ITGA5: variants seen among roughly 807,000 people sequenced by gnomAD.
ITGA5 encodes the protein integrin alpha-5.
ITGA5 carries 55 observed loss-of-function variants against 146.3 expected under a neutral mutation model. That is an observed-to-expected ratio of 0.38 (90% CI 0.30 to 0.47). The LOEUF (loss-of-function observed/expected upper bound fraction) is 0.47, where lower values mean the gene tolerates loss of function less well. Among genes scored for constraint, ITGA5 ranks in the 20% least tolerant of loss-of-function variants. The pLI, the probability that ITGA5 is intolerant of heterozygous loss-of-function variation, is 0.99. For missense variants in ITGA5, 1,131 were observed against 1,329.0 expected, an observed-to-expected ratio of 0.85 and a Z score of 2.32; for synonymous variants, 500 against 531.8, an observed-to-expected ratio of 0.94 and a Z score of 0.82.
chr12:54,407,766 T>TG (rs1269012170), intron 8 of ITGA5, 66 bp downstream of exon 8: 2 of 1,604,558 alleles, frequency 1.2e-6, no homozygotes, highest in Admixed American at 3.3e-5. Flanking sequence ...GCCAAGTTCA[T>TG]GGGCTCTCTG....
chr12:54,396,248 G>A lies in ITGA5; in HGVS notation c.*45C>T, dbSNP rs761058541. The A allele has an allele frequency of 2.8e-6, 4 of 1,442,896 alleles. No homozygotes were observed. The highest frequency in any genetic ancestry group is 9.8e-7 in the Non-Finnish European group (1 of 1,025,288). The allele number at this position is 1,442,896 out of a possible 1,614,324, so 89.4% of individuals were successfully genotyped here. A position where few individuals can be genotyped will look rare whatever the true frequency, so the allele number is the denominator to read the frequency against. On this transcript the variant is annotated 3_prime_UTR_variant, in exon 30 of 30. Transcript: ENST00000293379. ...CCCTCCTTTTCAGTAGAATGAGGGT[G>A]GGGGGACTGGTTCTTCAGGAATGGG...
At chr12:54,405,085 G>A (rs1035713121) in intron 12 of ITGA5, 81 bp downstream of exon 12, 1 of 1,335,996 alleles carries the variant, frequency 7.5e-7, no homozygotes, top group Non-Finnish European at 1.0e-6. Context: ...GGGTATCTTA[G>A]CTGACAGATG....
Position 54,405,159 on chromosome 12 carries a change from T to C in ITGA5, c.1225+7A>G. ...CCTCTTTCACTCTCTGAGCCCATGG[T>C]ACTCACCATTGTAGCCATCCTGGTC... On this transcript the variant is annotated splice_region_variant and intron_variant, in intron 12 of 29. Coordinates refer to ENST00000293379, the MANE Select transcript of ITGA5 (RefSeq NM_002205.5). 6.3e-7 allele frequency: 1 copy of C among 1,585,250 alleles called. No homozygotes were observed. Among genetic ancestry groups the C allele is most frequent in the South Asian group, 1.1e-5 (1 of 87,044 alleles).
In ITGA5 at chr12:54,401,914, G is replaced by T; in HGVS notation, c.2227-59C>A. On this transcript the variant is annotated intron_variant, in intron 21 of 29. Transcript: ENST00000293379. The surrounding 1 kb of genome is among the most constrained non-coding windows in gnomAD (Gnocchi z 5.0). ...AGACTGTGTATTTCACCCTCCCTCC[G>T]CACCTCACAGCTGTGCTCTCGGCTG... The T allele has an allele frequency of 6.3e-7, 1 of 1,590,944 alleles. No individual in the cohort carries two copies.
chr12:54,402,974 C>T lies in ITGA5; in HGVS notation c.1982+9G>A, dbSNP rs1474889284. ...TGGAGCTCCCTAGCTTACCGTCAGCCCTACTTACCCAAACACTTCCAGCTG... is the reference window on the plus strand; with the variant it reads ...TGGAGCTCCCTAGCTTACCGTCAGCTCTACTTACCCAAACACTTCCAGCTG... On this transcript the variant is annotated intron_variant, in intron 19 of 29. Transcript: ENST00000293379. The T allele has an allele frequency of 1.2e-6, 2 of 1,613,546 alleles. No individual in the cohort carries two copies. The highest frequency in any genetic ancestry group is 2.2e-5 in the East Asian group (1 of 44,870).
chr12:54,412,026 G>C, intron 1 of ITGA5, 62 bp from the exon 2 acceptor site: 1 of 1,433,984 alleles, frequency 7.0e-7, no homozygotes, highest in East Asian at 2.6e-5. Flanking sequence ...GTGTCTGGAG[G>C]CAGGAAGGAC....
intron 1 of ITGA5, 48 bp downstream of exon 1, chr12:54,418,933 C>T (rs1402575895): frequency 1.3e-6 from 2 of 1,597,096 alleles, no homozygotes; most frequent in Non-Finnish European, 1.7e-6. Flanking sequence ...CCCCCAGTCT[C>T]CAGGCGGCTC....
In ITGA5 at chr12:54,405,234, T is replaced by C. The variant is rs1955847907; in HGVS notation, c.1157A>G (p.His386Arg). 6.2e-7 allele frequency: 1 copy of C among 1,613,446 alleles called. No individual in the cohort carries two copies. Among genetic ancestry groups the C allele is most frequent in the Admixed American group, 1.7e-5 (1 of 59,976 alleles). ...EPTPTLTLTG[H>R]DEFGRFGSSL... The stretch of plus-strand genomic sequence containing the variant: ...GCTGCCAAATCGGCCAAACTCATCA[T>C]GGCCAGTGAGGGTAAGGGTGGGCGT... The change falls in exon 12 of 30, where the codon CAT (histidine) becomes CGT (arginine). Residue 386 changes from histidine to arginine, a missense_variant. By Grantham distance (29) the His-to-Arg change is conservative. Coordinates refer to ENST00000293379, the MANE Select transcript of ITGA5 (RefSeq NM_002205.5).
chr12:54,398,485 C>T (rs1391417333), intron 28 of ITGA5, 112 bp downstream of exon 28: 2 of 708,750 alleles, frequency 2.8e-6, no homozygotes, highest in Non-Finnish European at 4.8e-6. Context: ...GCACATAGTA[C>T]ATTCTCAACA....
chr12:54,407,896 G>A lies in ITGA5; in HGVS notation c.818-20C>T, dbSNP rs970020546. On this transcript the variant is annotated intron_variant, in intron 7 of 29. Coordinates refer to ENST00000293379, the MANE Select transcript of ITGA5 (RefSeq NM_002205.5). ...AGTATCCTGGGGGACAGGGTGGGTG[G>A]ATGTTAGGATTCCTGCTTTGAGGAC... 4 of 1,563,424 alleles carry A rather than the reference G, an allele frequency of 2.6e-6. No individual in the cohort carries two copies. Among genetic ancestry groups the A allele is most frequent in the Admixed American group, 1.8e-5 (1 of 55,266 alleles).
intron 11 of ITGA5, 44 bp from the exon 12 acceptor site, chr12:54,405,418 C>T: frequency 7.0e-7 from 1 of 1,438,034 alleles, no homozygotes; most frequent in Non-Finnish European, 9.5e-7. Context: ...CCCTGTCTTG[C>T]CACCCCACCC....
At chr12:54,397,599 G>A in intron 28 of ITGA5, 112 bp from the exon 29 acceptor site, 1 of 1,292,380 alleles carries the variant, frequency 7.7e-7, no homozygotes, top group Non-Finnish European at 1.1e-6. Flanking sequence ...CCTTTCTCTG[G>A]GGAACAGGGA....
At chr12:54,405,768 C>G in intron 10 of ITGA5, 52 bp from the exon 11 acceptor site, 1 of 1,607,346 alleles carries the variant, frequency 6.2e-7, no homozygotes, top group Non-Finnish European at 8.5e-7. Context: ...GTTCAATCCA[C>G]AGGATCAAGA....
intron 9 of ITGA5, chr12:54,406,203 A>T: frequency 1.9e-6 from 1 of 520,394 alleles, no homozygotes; most frequent in South Asian, 2.4e-5. Flanking sequence ...AGAATGTAAG[A>T]TCAATAGGGG....
intron 28 of ITGA5, among the ~76,000 whole-genome samples, chr12:54,397,968 G>A (rs1287449652): frequency 4.0e-5 from 6 of 150,930 alleles, no homozygotes; most frequent in Non-Finnish European, 8.8e-5. Context: ...TGTGATCTCA[G>A]CTTACTACAA....
intron 29 of ITGA5, among the ~76,000 whole-genome samples, chr12:54,397,099 A>G (rs1955720290): frequency 6.6e-6 from 1 of 152,186 alleles, no homozygotes. Flanking sequence ...CACAAATGCC[A>G]CGTATTTGTC....
Position 54,401,971 on chromosome 12 carries a change from C to G in ITGA5, c.2226+30G>C. 1 of 1,611,182 alleles carries G rather than the reference C, an allele frequency of 6.2e-7. No individual in the cohort carries two copies. Among genetic ancestry groups the G allele is most frequent in the South Asian group, 1.1e-5 (1 of 91,002 alleles). ...TACCGCCCTCAGGTCTGCTCTCCCT[C>G]TGTCCCATCCTCTTTCATCCCAAAC... On this transcript the variant is annotated intron_variant, in intron 21 of 29. Coordinates refer to ENST00000293379, the MANE Select transcript of ITGA5 (RefSeq NM_002205.5). The surrounding 1 kb of genome is among the most constrained non-coding windows in gnomAD (Gnocchi z 5.0).
chr12:54,401,952 C>T lies in ITGA5; in HGVS notation c.2226+49G>A, dbSNP rs1375376171. Reference sequence around the variant, plus strand: ...GTGCTCTCGGCTGGCTGGTTACCGCCCTCAGGTCTGCTCTCCCTCTGTCCC... The same window carrying T: ...GTGCTCTCGGCTGGCTGGTTACCGCTCTCAGGTCTGCTCTCCCTCTGTCCC... On this transcript the variant is annotated intron_variant, in intron 21 of 29. Transcript: ENST00000293379. The surrounding 1 kb of genome is among the most constrained non-coding windows in gnomAD (Gnocchi z 5.0). 2 of 1,604,470 alleles carry T rather than the reference C, an allele frequency of 1.2e-6. No homozygotes were observed. Among genetic ancestry groups the T allele is most frequent in the East Asian group, 2.2e-5 (1 of 44,820 alleles).
rs1955793847 is a variant in ITGA5, at chr12:54,402,105, G to A, written c.2134-12C>T. ...AGGCTGGAGAAGTTCTGGAGATGGG[G>A]TGGGCACTGGTCAGGTTTTGGTGTC... is the stretch of plus-strand genomic sequence containing the variant. On this transcript the variant is annotated splice_polypyrimidine_tract_variant and intron_variant, in intron 20 of 29. Transcript: ENST00000293379. 1 of 1,613,946 alleles carries A rather than the reference G, an allele frequency of 6.2e-7. No homozygotes were observed.
Sources: gnomAD v4.1 joint callset for allele counts (sites outside exome capture counted in the v4.1 genomes callset) on GRCh38, gnomAD v4.1.1 for gene constraint, Gnocchi (gnomAD v3.1) non-coding constraint, MANE v1.5 for transcripts, NCBI Gene and HGNC (gene_info 2026-07-23, HGNC 2026-07-21) for gene names.